The following ZNF611 variants were observed in gnomAD, a reference collection of about 807,000 sequenced individuals.
ZNF611 encodes the protein zinc finger protein 611.
Under a neutral mutation model 8.9 loss-of-function variants are expected in ZNF611, and 6 were observed. That is an observed-to-expected ratio of 0.68 (90% CI 0.37 to 1.34). ZNF611 has a LOEUF of 1.34. Among genes scored for constraint, ZNF611 ranks in the 40% most tolerant of loss-of-function variants. ZNF611 has a pLI of 0.02. For synonymous variants in ZNF611, 262 were observed against 279.7 expected (o/e 0.94, Z 0.63); for missense variants, 874 against 841.3 (o/e 1.04, Z -0.48).
In ZNF611 at chr19:52,704,956, T is replaced by A. The variant is rs2062228913; in HGVS notation, c.2099A>T (p.His700Leu). Residue 700 changes from histidine to leucine, a missense_variant, in exon 6 of 6, where the codon CAT becomes CTT. His to Leu is a moderately conservative substitution (Grantham distance 99, BLOSUM62 -3). Transcript: ENST00000652185. The stretch of plus-strand genomic sequence containing the variant: ...ACATTTCTAAGGTTTCTCTCCAGTA[T>A]GAATTCTATGATGACGTGAAAGGTG... ...QSHLSRHHRI[H>L]TGEKP 1 of 1,614,202 alleles carries A rather than the reference T, an allele frequency of 6.2e-7. No homozygotes were observed. Among genetic ancestry groups the A allele is most frequent in the Non-Finnish European group, 8.5e-7 (1 of 1,180,020 alleles).
chr19:52,721,025 C>T (rs1024320665), intron 3 of ZNF611: 16 of 147,946 alleles, frequency 1.1e-4, no homozygotes, highest in African/African-American at 2.8e-4. Flanking sequence ...CAGGCAGAGG[C>T]GCTCCTCACT....
intron 3 of ZNF611, 141 bp downstream of exon 3, chr19:52,728,589 A>T (rs1258645749): frequency 6.6e-6 from 1 of 152,212 alleles, no homozygotes; most frequent in Non-Finnish European, 1.5e-5. Context: ...AGAAAACAGA[A>T]AATGCATTTG....
At chr19:52,726,722 G>GTT (rs56146245) in intron 3 of ZNF611, among the ~76,000 whole-genome samples, 38 of 130,294 alleles carry the variant, frequency 2.9e-4, no homozygotes, top group East Asian at 1.6e-3. Context: ...TCGGCCTTGT[G>GTT]TTTTTTTTTT....
intron 3 of ZNF611, among the ~76,000 whole-genome samples, chr19:52,725,729 G>T (rs1568608493): frequency 3.3e-5 from 5 of 152,112 alleles, no homozygotes; most frequent in Admixed American, 3.3e-4. Context: ...CACGCGCCTC[G>T]GTAGGACCTT....
Position 52,706,429 on chromosome 19 carries a change from C to T in ZNF611, c.626G>A (p.Gly209Glu), listed in dbSNP as rs1312799166. The change falls in exon 6 of 6, where the codon GGG (glycine) becomes GAG (glutamate). Residue 209 changes from glycine (G) to glutamate (E), a missense_variant. Transcript: ENST00000652185. Reference sequence around the variant, plus strand: ...TAATGAAGAATTCAGGGGATTATTCCCATAGTTATTAGAAATCTGGGTTTG... The same window carrying T: ...TAATGAAGAATTCAGGGGATTATTCTCATAGTTATTAGAAATCTGGGTTTG... ...RPQTQISNNY[G>E]NNPLNSSLLP... The T allele has an allele frequency of 6.2e-7, 1 of 1,613,884 alleles. No individual in the cohort carries two copies. The highest frequency in any genetic ancestry group is 8.5e-7 in the Non-Finnish European group (1 of 1,180,018).
At chr19:52,729,480 G>T (rs1241732073) in intron 2 of ZNF611, among the ~76,000 whole-genome samples, 2 of 84,768 alleles carry the variant, frequency 2.4e-5, no homozygotes, top group African/African-American at 1.1e-4. Context: ...GTGACAGAGC[G>T]AGACTCCATC....
rs780233017 is a variant in ZNF611 at position 52,705,093 on chromosome 19, A to T, written c.1962T>A (p.Ile654=). 1 of 1,614,090 alleles carries T rather than the reference A, an allele frequency of 6.2e-7. No individual in the cohort carries two copies. The highest frequency in any genetic ancestry group is 1.7e-5 in the Admixed American group (1 of 60,014). ...HTGEKSYKCT[I]CDKAFVRNSL... ...AATTACGCACGAAAGCCTTGTCACA[A>T]ATTGTACATTTGTAAGATTTCTCTC... The change falls in exon 6 of 6, where the codon ATT becomes ATA. Residue 654 remains isoleucine (I), a synonymous_variant. Transcript: ENST00000652185.
At chr19:52,708,909 A>G (rs778629829) in intron 5 of ZNF611, 1 of 152,202 alleles carries the variant, frequency 6.6e-6, no homozygotes, top group African/African-American at 2.4e-5. Flanking sequence ...TCACAACTAC[A>G]CTTATGTAAC....
chr19:52,716,986 T>C (rs1335975956), intron 3 of ZNF611, among the ~76,000 whole-genome samples: 1 of 151,948 alleles, frequency 6.6e-6, no homozygotes, highest in South Asian at 2.1e-4. Flanking sequence ...TGAGCCGAGA[T>C]TGTGCCACTG....
intron 5 of ZNF611, among the ~76,000 whole-genome samples, chr19:52,712,920 G>T (rs182578821): frequency 6.6e-6 from 1 of 152,326 alleles, no homozygotes; most frequent in East Asian, 1.9e-4. Flanking sequence ...GGGGCCAGGG[G>T]CTGTGGCTCA....
At chr19:52,706,947 C>G in intron 5 of ZNF611, 83 bp from the exon 6 acceptor site, 1 of 1,517,158 alleles carries the variant, frequency 6.6e-7, no homozygotes, top group Non-Finnish European at 8.8e-7. Context: ...ACACAAAAAA[C>G]GATACTTATT....
rs1424676946 is a variant in ZNF611, at chr19:52,706,274, A to G, written c.781T>C (p.Cys261Arg). 1 of 1,614,160 alleles carries G rather than the reference A, an allele frequency of 6.2e-7. No homozygotes were observed. Among genetic ancestry groups the G allele is most frequent in the Admixed American group, 1.7e-5 (1 of 60,020 alleles). Reference protein sequence around the residue: ...IPHLGDKQYKCDVCGKLFNHE... With the variant: ...IPHLGDKQYKRDVCGKLFNHE... ...TTAAAGAGCTTGCCACATACATCAC[A>G]TTTATATTGTTTGTCTCCTAAATGG... The change falls in exon 6 of 6, where the codon TGT becomes CGT. Residue 261 changes from cysteine (C) to arginine (R), a missense_variant. Physicochemically the swap from Cys to Arg is radical, Grantham distance 180. Transcript: ENST00000652185.
intron 3 of ZNF611, among the ~76,000 whole-genome samples, chr19:52,722,694 C>A (rs531614556): frequency 1.3e-5 from 2 of 152,202 alleles, no homozygotes; most frequent in South Asian, 4.2e-4. Flanking sequence ...CTAATCATAT[C>A]CAATGAACTC....
rs1206698816 is a variant in ZNF611, at chr19:52,714,000, G to A, written c.190+15C>T. On this transcript the variant is annotated intron_variant, in intron 5 of 5. Coordinates refer to ENST00000652185, the MANE Select transcript of ZNF611 (RefSeq NM_001161499.2). ...AAGAGCAGACTCCTCATGTCTGCAG[G>A]GACATTTTCCTCACCCACAGCCTCC... 12 of 1,613,904 alleles carry A rather than the reference G, an allele frequency of 7.4e-6. No individual in the cohort carries two copies. In the South Asian group the frequency reaches 1.1e-4, roughly 15 times the overall value.
At chr19:52,726,964 G>T (rs74635095) in intron 3 of ZNF611, among the ~76,000 whole-genome samples, 5,595 of 152,104 alleles carry the variant, frequency 0.037, 313 homozygotes, top group African/African-American at 0.12. Context: ...CTCCTGGGTT[G>T]AAGCTATTCG....
chr19:52,705,086 T>C lies in ZNF611; in HGVS notation c.1969A>G (p.Lys657Glu). The C allele has an allele frequency of 1.2e-6, 2 of 1,614,184 alleles. No individual in the cohort carries two copies. The highest frequency in any genetic ancestry group is 1.7e-6 in the Non-Finnish European group (2 of 1,180,036). The part of the protein sequence containing the change: ...EKSYKCTICD[K>E]AFVRNSLLSR... Reference sequence around the variant, plus strand: ...AGGAGTGAATTACGCACGAAAGCCTTGTCACAAATTGTACATTTGTAAGAT... The same window carrying C: ...AGGAGTGAATTACGCACGAAAGCCTCGTCACAAATTGTACATTTGTAAGAT... The change falls in exon 6 of 6, where the codon AAG (lysine) becomes GAG (glutamate). Residue 657 changes from lysine to glutamate, a missense_variant. Lys to Glu is a moderately conservative substitution (Grantham distance 56). Transcript: ENST00000652185.
chr19:52,715,103 G>A (rs1382735373), intron 4 of ZNF611, among the ~76,000 whole-genome samples: 1 of 152,180 alleles, frequency 6.6e-6, no homozygotes, highest in African/African-American at 2.4e-5. Context: ...TAAGTCTCTA[G>A]ATGAGCTAAG....
chr19:52,715,062 C>CA (rs2062307570), intron 4 of ZNF611, among the ~76,000 whole-genome samples: 1 of 152,034 alleles, frequency 6.6e-6, no homozygotes, highest in Non-Finnish European at 1.5e-5. Context: ...ATAGACATGC[C>CA]AGATATTATG....
At chr19:52,715,454 AAT>A (rs1325391990) in intron 4 of ZNF611, among the ~76,000 whole-genome samples, 3 of 152,202 alleles carry the variant, frequency 2.0e-5, no homozygotes, top group Non-Finnish European at 2.9e-5. Flanking sequence ...CCTTTTCCAG[AAT>A]TAACCACACA....
Sources: gnomAD v4.1 joint callset for allele counts (sites outside exome capture counted in the v4.1 genomes callset) on GRCh38, gnomAD v4.1.1 for gene constraint, MANE v1.5 for transcripts, NCBI Gene and HGNC (gene_info 2026-07-23, HGNC 2026-07-21) for gene names.